Variants in LHFPL2 observed in about 807,000 individuals in gnomAD.
LHFPL2 encodes LHFPL tetraspan subfamily member 2, also known as LHFPL tetraspan subfamily member 2 protein.
LHFPL2 carries 7 observed loss-of-function variants against 17.5 expected under a neutral mutation model. The ratio of observed to expected loss-of-function variants is 0.40; its 90% CI spans 0.23 to 0.75. LHFPL2 has a LOEUF of 0.75. Ranked by LOEUF, LHFPL2 falls within the 30% of genes least tolerant of loss-of-function variation. The pLI, the probability that LHFPL2 is intolerant of heterozygous loss-of-function variation, is 0.37. For synonymous variants in LHFPL2, 134 were observed against 116.2 expected (o/e 1.15, Z -0.99); for missense variants, 241 against 294.8 (o/e 0.82, Z 1.34).
At chr5:78,593,775 C>A (rs1244254245) in intron 2 of LHFPL2, among the ~76,000 whole-genome samples, 1 of 152,084 alleles carries the variant, frequency 6.6e-6, no homozygotes. Flanking sequence ...CCTAGAGGAG[C>A]AAGGCTGGAC....
intron 2 of LHFPL2, among the ~76,000 whole-genome samples, chr5:78,580,621 G>A (rs112268468): frequency 1.7e-5 from 1 of 60,572 alleles, no homozygotes. Flanking sequence ...CCCATTGCTT[G>A]TTTTTCTCAG....
At chr5:78,591,587 T>C (rs1040063527) in intron 2 of LHFPL2, among the ~76,000 whole-genome samples, 1 of 152,198 alleles carries the variant, frequency 6.6e-6, no homozygotes, top group African/African-American at 2.4e-5. Flanking sequence ...AGGCCAACTC[T>C]GAGAAAATGT....
chr5:78,606,562 T>G (rs891259981), intron 2 of LHFPL2, among the ~76,000 whole-genome samples: 1 of 152,166 alleles, frequency 6.6e-6, no homozygotes, highest in Admixed American at 6.5e-5. Context: ...GATCAGACAG[T>G]CTCTGGGGAA....
chr5:78,529,297 TAAG>T (rs1755710726), intron 3 of LHFPL2, among the ~76,000 whole-genome samples: 1 of 152,028 alleles, frequency 6.6e-6, no homozygotes, highest in Non-Finnish European at 1.5e-5. Flanking sequence ...AAATAAATAA[TAAG>T]AATTAAAAGT....
intron 4 of LHFPL2, among the ~76,000 whole-genome samples, chr5:78,493,506 G>T (rs866809113): frequency 6.6e-6 from 1 of 152,208 alleles, no homozygotes; most frequent in African/African-American, 2.4e-5. Flanking sequence ...AGGGATTTTT[G>T]TGTATTTAGT....
chr5:78,540,289 G>A (rs774657691), intron 3 of LHFPL2, among the ~76,000 whole-genome samples: 1 of 152,154 alleles, frequency 6.6e-6, no homozygotes, highest in Non-Finnish European at 1.5e-5. Context: ...TCACTGTCTT[G>A]TTTGTTTGTT....
At chr5:78,635,823 A>ACAAC (rs1745428367) in intron 1 of LHFPL2, among the ~76,000 whole-genome samples, 1 of 151,848 alleles carries the variant, frequency 6.6e-6, no homozygotes, top group South Asian at 2.1e-4. Flanking sequence ...AAACAAACAA[A>ACAAC]CAACAACAAA....
chr5:78,638,067 A>G (rs1476672570), intron 1 of LHFPL2, among the ~76,000 whole-genome samples: 3 of 152,202 alleles, frequency 2.0e-5, no homozygotes, highest in Admixed American at 6.5e-5. Context: ...AAAAGGAGGC[A>G]ATAAGGGCCG....
chr5:78,570,012 A>G (rs1756954998), intron 2 of LHFPL2, among the ~76,000 whole-genome samples: 1 of 152,160 alleles, frequency 6.6e-6, no homozygotes, highest in African/African-American at 2.4e-5. Context: ...AAACACTGCT[A>G]TTGTTATTCC....
At chr5:78,497,417 A>AC (rs1754641059) in intron 4 of LHFPL2, among the ~76,000 whole-genome samples, 1 of 152,122 alleles carries the variant, frequency 6.6e-6, no homozygotes, top group Middle Eastern at 3.2e-3. Flanking sequence ...ACCCTACTGC[A>AC]CACTACCTTT....
intron 1 of LHFPL2, among the ~76,000 whole-genome samples, chr5:78,643,978 C>T (rs1745770716): frequency 1.3e-5 from 2 of 152,206 alleles, no homozygotes; most frequent in Non-Finnish European, 2.9e-5. Flanking sequence ...GGGAGAATCG[C>T]TTGAACCCAG....
chr5:78,645,543 TACACACAC>T (rs56911011), intron 1 of LHFPL2, among the ~76,000 whole-genome samples: 36,508 of 136,936 alleles, frequency 0.27, 4,923 homozygotes, highest in South Asian at 0.35. Context: ...GACAGATGCA[TACACACAC>T]ACACACACAC....
chr5:78,581,033 T>C (rs1743113561), intron 2 of LHFPL2, among the ~76,000 whole-genome samples: 1 of 152,162 alleles, frequency 6.6e-6, no homozygotes, highest in South Asian at 2.1e-4. Context: ...TGAGCAGTGG[T>C]TTGTAGTTCT....
intron 3 of LHFPL2, among the ~76,000 whole-genome samples, chr5:78,516,881 ATAAATCTC>A (rs1755308297): frequency 6.6e-6 from 1 of 152,124 alleles, no homozygotes; most frequent in Non-Finnish European, 1.5e-5. Flanking sequence ...TTCTGTTTTC[ATAAATCTC>A]TATTCTGCGA....
intron 2 of LHFPL2, among the ~76,000 whole-genome samples, chr5:78,582,136 A>AT (rs1210695455): frequency 1.6e-4 from 24 of 152,040 alleles, no homozygotes; most frequent in Middle Eastern, 3.4e-3. Context: ...CAGTGGTGAT[A>AT]CCCCTTTATC....
rs547755168 is a variant in LHFPL2 at position 78,543,097 on chromosome 5, C to T, written c.-186+21716G>A. On this transcript the variant is annotated intron_variant, in intron 3 of 4. Coordinates refer to ENST00000380345, the MANE Select transcript of LHFPL2 (RefSeq NM_005779.3). The stretch of plus-strand genomic sequence containing the variant: ...TGGTGCAGGCCAGGCAGAGAACCTA[C>T]CTGCATAATAAAAGATGGTGGGGGG... 3.1e-4 allele frequency among the ~76,000 whole-genome samples: 47 copies of T among 152,292 alleles called. 1 individual carries two copies. The highest frequency in any genetic ancestry group is 6.0e-4 in the Non-Finnish European group (41 of 68,020).
At chr5:78,528,114 A>G (rs914832346) in intron 3 of LHFPL2, among the ~76,000 whole-genome samples, 2 of 152,194 alleles carry the variant, frequency 1.3e-5, no homozygotes, top group Admixed American at 1.3e-4. Context: ...GCTTAAACCA[A>G]TGCATTTCTT....
At chr5:78,509,091 C>T (rs1298844790) in intron 4 of LHFPL2, among the ~76,000 whole-genome samples, 1 of 152,192 alleles carries the variant, frequency 6.6e-6, no homozygotes, top group Non-Finnish European at 1.5e-5. Flanking sequence ...CTGTAAAGAG[C>T]TCATGCTTTT....
At chr5:78,595,309 G>A (rs1426515173) in intron 2 of LHFPL2, among the ~76,000 whole-genome samples, 1 of 152,186 alleles carries the variant, frequency 6.6e-6, no homozygotes, top group African/African-American at 2.4e-5. Context: ...CTGAAATAAT[G>A]AGTCATACTG....
Sources: gnomAD v4.1 joint callset for allele counts (sites outside exome capture counted in the v4.1 genomes callset) on GRCh38, gnomAD v4.1.1 for gene constraint, MANE v1.5 for transcripts, NCBI Gene and HGNC (gene_info 2026-07-23, HGNC 2026-07-21) for gene names.